The following SLC22A24 variants were observed in gnomAD, a reference collection of about 807,000 sequenced individuals.
SLC22A24 encodes the protein solute carrier family 22 member 24.
A neutral mutation model predicts 49.8 loss-of-function variants in SLC22A24; 53 were observed. That is an observed-to-expected ratio of 1.06 (90% CI 0.85 to 1.34). SLC22A24 has a LOEUF of 1.34. Among genes scored for constraint, SLC22A24 ranks in the 40% most tolerant of loss-of-function variants. The probability of loss-of-function intolerance (pLI) is 0.00; values close to 1 mark genes in which losing one functional copy is unlikely to be tolerated. For missense variants in SLC22A24, 786 were observed against 675.9 expected (o/e 1.16, Z -1.81); for synonymous variants, 302 against 256.4 (o/e 1.18, Z -1.70).
intron 1 of SLC22A24, among the ~76,000 whole-genome samples, chr11:63,135,071 T>G (rs1423872084): frequency 6.6e-6 from 1 of 152,210 alleles, no homozygotes; most frequent in African/African-American, 2.4e-5. Flanking sequence ...TTTAATGCAT[T>G]ACCTTATACA....
At chr11:63,091,688 C>T (rs981262616) in intron 6 of SLC22A24, among the ~76,000 whole-genome samples, 4 of 152,072 alleles carry the variant, frequency 2.6e-5, no homozygotes, top group African/African-American at 7.2e-5. Context: ...GCAGAAAAGG[C>T]CTTTGATAAA....
At chr11:63,086,817 C>G (rs2086989335) in intron 6 of SLC22A24, among the ~76,000 whole-genome samples, 1 of 151,992 alleles carries the variant, frequency 6.6e-6, no homozygotes, top group African/African-American at 2.4e-5. Flanking sequence ...GCTAATTTGT[C>G]TCACTATAAT....
At chr11:63,088,396 A>AACATCAACATCAACATCAACATCAACATC (rs1565323297) in intron 6 of SLC22A24, among the ~76,000 whole-genome samples, 290 of 16,320 alleles carry the variant, frequency 0.018, no homozygotes, top group African/African-American at 0.04. Flanking sequence ...ACATCAACAT[A>AACATCAACATCAACATCAACATCAACATC]AAGGACTCCA....
At chr11:63,083,698 A>G (rs1028152934) in intron 6 of SLC22A24, among the ~76,000 whole-genome samples, 4 of 152,224 alleles carry the variant, frequency 2.6e-5, no homozygotes, top group African/African-American at 9.7e-5. Flanking sequence ...CTTCATTGTC[A>G]TAATTTTTAC....
intron 2 of SLC22A24, among the ~76,000 whole-genome samples, chr11:63,133,798 C>G (rs575518123): frequency 6.6e-6 from 1 of 152,066 alleles, no homozygotes; most frequent in Non-Finnish European, 1.5e-5. Context: ...GTGCCAGCCA[C>G]CATGCCAGGC....
intron 4 of SLC22A24, among the ~76,000 whole-genome samples, chr11:63,109,962 A>G (rs948424650): frequency 1.3e-5 from 2 of 152,252 alleles, no homozygotes; most frequent in East Asian, 1.9e-4. Context: ...GATTTCTTCT[A>G]GGGTTTTTAT....
In SLC22A24 at chr11:63,113,125, T is replaced by C. The variant is rs188912655; in HGVS notation, c.830+5787A>G. 5.8e-4 allele frequency among the ~76,000 whole-genome samples: 6 copies of C among 10,344 alleles called. 1 individual carries two copies. Among genetic ancestry groups the C allele is most frequent in the South Asian group, 0.011 (2 of 176 alleles). 6.8% of individuals were successfully genotyped at this position (10,344 alleles called of 152,430 possible). The stretch of plus-strand genomic sequence containing the variant: ...ATACATATATATACACATATATATA[T>C]ACATATATATATACACATATATATA... On this transcript the variant is annotated intron_variant, in intron 4 of 9. Transcript: ENST00000612278.
chr11:63,141,681 C>G (rs931610183), intron 1 of SLC22A24, among the ~76,000 whole-genome samples: 9 of 152,196 alleles, frequency 5.9e-5, no homozygotes, highest in Non-Finnish European at 1.3e-4. Flanking sequence ...AGGGTTCAAA[C>G]CCATGGCTGG....
chr11:63,099,528 C>T (rs979197594), intron 5 of SLC22A24, among the ~76,000 whole-genome samples: 2 of 151,676 alleles, frequency 1.3e-5, no homozygotes, highest in East Asian at 1.9e-4. Context: ...CCTACTCAAA[C>T]TATTCTGAAA....
At chr11:63,118,885 G>A in intron 4 of SLC22A24, 27 bp downstream of exon 4, 1 of 1,551,544 alleles carries the variant, frequency 6.4e-7, no homozygotes, top group South Asian at 1.2e-5. Context: ...CTCGCTTACA[G>A]GCAAAGAATG....
chr11:63,086,347 A>G (rs2086986940), intron 6 of SLC22A24, among the ~76,000 whole-genome samples: 1 of 152,234 alleles, frequency 6.6e-6, no homozygotes, highest in South Asian at 2.1e-4. Flanking sequence ...ATGGAATACT[A>G]TGCAGCCATA....
At chr11:63,138,409 G>A (rs933306151) in intron 1 of SLC22A24, among the ~76,000 whole-genome samples, 3 of 152,010 alleles carry the variant, frequency 2.0e-5, no homozygotes, top group South Asian at 2.1e-4. Context: ...TTTGGAGGCC[G>A]AGGCAGGCAG....
intron 6 of SLC22A24, among the ~76,000 whole-genome samples, chr11:63,087,230 G>A (rs1306393104): frequency 6.6e-6 from 1 of 152,144 alleles, no homozygotes; most frequent in African/African-American, 2.4e-5. Context: ...TTTCAACTGA[G>A]GCACCCAGTT....
Position 63,082,568 on chromosome 11 carries a change from AT to A in SLC22A24, c.1285+674del, listed in dbSNP as rs1171836158. On this transcript the variant is annotated intron_variant, in intron 7 of 9. Transcript: ENST00000612278. ...CTATTAATTTAACTTAGGAAAGTGG[AT>A]TTTAAGAGAGGCTGGGTCAGCTTCT... Among the ~76,000 whole-genome samples the A allele has an allele frequency of 2.0e-4, 31 of 152,210 alleles. 1 individual carries two copies. The highest frequency in any genetic ancestry group is 1.0e-4 in the Non-Finnish European group (7 of 68,036).
At chr11:63,121,252 T>A (rs2087249571) in intron 2 of SLC22A24, among the ~76,000 whole-genome samples, 1 of 152,210 alleles carries the variant, frequency 6.6e-6, no homozygotes, top group Non-Finnish European at 1.5e-5. Flanking sequence ...GGGAACACTC[T>A]ACTTTCTACT....
At chr11:63,129,636 GTCC>G (rs2087319153) in intron 2 of SLC22A24, among the ~76,000 whole-genome samples, 1 of 152,092 alleles carries the variant, frequency 6.6e-6, no homozygotes, top group African/African-American at 2.4e-5. Flanking sequence ...ACTTGCTTGT[GTCC>G]TCTTTTATTT....
chr11:63,106,454 G>T (rs1342236770), intron 4 of SLC22A24, among the ~76,000 whole-genome samples: 3 of 152,130 alleles, frequency 2.0e-5, no homozygotes, highest in Non-Finnish European at 4.4e-5. Context: ...ACCCAGTAAT[G>T]GGATGGCTGG....
At chr11:63,127,081 A>G (rs952156259) in intron 2 of SLC22A24, among the ~76,000 whole-genome samples, 1 of 152,216 alleles carries the variant, frequency 6.6e-6, no homozygotes, top group Admixed American at 6.5e-5. Context: ...TGCACCCATC[A>G]AGTCGTCATT....
chr11:63,087,558 C>A (rs2086995041), intron 6 of SLC22A24, among the ~76,000 whole-genome samples: 1 of 152,144 alleles, frequency 6.6e-6, no homozygotes, highest in Non-Finnish European at 1.5e-5. Flanking sequence ...TGCCTGGAAC[C>A]TTAGCAAGAC....
Sources: allele counts gnomAD v4.1 joint callset (sites outside exome capture counted in the v4.1 genomes callset), GRCh38; gene constraint gnomAD v4.1.1; transcripts MANE v1.5; gene names NCBI Gene and HGNC (gene_info 2026-07-23, HGNC 2026-07-21).